The following CHLSN variants were observed in gnomAD, a reference collection of about 807,000 sequenced individuals.
CHLSN encodes the protein protein cholesin.
chr7:1,136,863 T>C, the CHLSN span, among the ~76,000 whole-genome samples: 1 of 151,954 alleles, frequency 6.6e-6, no homozygotes, highest in Non-Finnish European at 1.5e-5. Context: ...GGTCCATCCA[T>C]AAATCCTCTC....
the CHLSN span, chr7:1,009,937 C>A: frequency 1.4e-5 from 21 of 1,532,722 alleles, no homozygotes; most frequent in Non-Finnish European, 1.8e-5. Context: ...CCGCGTGGGG[C>A]AGGGCCGCTC....
chr7:1,092,490 G>C, the CHLSN span: 2 of 1,607,484 alleles, frequency 1.2e-6, no homozygotes, highest in Non-Finnish European at 8.5e-7. Flanking sequence ...GGCCCCGGCG[G>C]CAGAAGGCGC....
the CHLSN span, among the ~76,000 whole-genome samples, chr7:1,100,496 C>T: frequency 6.6e-6 from 1 of 152,222 alleles, no homozygotes; most frequent in Non-Finnish European, 1.5e-5. Flanking sequence ...TCTGTCTGAG[C>T]CTGGGGAGGA....
chr7:1,092,155 A>G, the CHLSN span: 2 of 1,613,506 alleles, frequency 1.2e-6, no homozygotes, highest in Non-Finnish European at 1.7e-6. Context: ...CAACATGTAC[A>G]GCAGCGTCTT....
At chr7:1,093,668 C>G in the CHLSN span, 2 of 470,692 alleles carry the variant, frequency 4.2e-6, no homozygotes, top group South Asian at 1.5e-5. Flanking sequence ...TACTCCAGCA[C>G]CTGTGGCTGA....
chr7:1,012,876 C>T, the CHLSN span, among the ~76,000 whole-genome samples: 2 of 152,216 alleles, frequency 1.3e-5, no homozygotes, highest in East Asian at 1.9e-4. Flanking sequence ...CCTATGCTCG[C>T]GCTCACTGTC....
At chr7:986,563 C>CT in the CHLSN span, 1 of 1,583,188 alleles carries the variant, frequency 6.3e-7, no homozygotes, top group Non-Finnish European at 8.6e-7. Flanking sequence ...CGATCACCGC[C>CT]TGCCCAGCGT....
At chr7:1,108,873 G>A in the CHLSN span, among the ~76,000 whole-genome samples, 6 of 151,636 alleles carry the variant, frequency 4.0e-5, no homozygotes, top group East Asian at 1.9e-4. Flanking sequence ...TAGAAAATTC[G>A]GCTGTGATAT....
chr7:981,489 G>A, the CHLSN span, among the ~76,000 whole-genome samples: 1 of 151,900 alleles, frequency 6.6e-6, no homozygotes, highest in Non-Finnish European at 1.5e-5. Context: ...GAGGCGGGCG[G>A]ATCATGATGA....
chr7:1,021,464 T>G, the CHLSN span: 2 of 985,486 alleles, frequency 2.0e-6, no homozygotes, highest in South Asian at 9.4e-5. Flanking sequence ...TGATCGGCAG[T>G]GGTGGCCACC....
chr7:1,022,921 T>C, the CHLSN span: 2 of 441,332 alleles, frequency 4.5e-6, no homozygotes, highest in Non-Finnish European at 9.3e-6. Flanking sequence ...AGCTGGCCAC[T>C]CCATGGTCCC....
chr7:1,013,944 A>G, the CHLSN span, among the ~76,000 whole-genome samples: 1 of 152,258 alleles, frequency 6.6e-6, no homozygotes, highest in Non-Finnish European at 1.5e-5. Flanking sequence ...TTCAATGTGC[A>G]TGAAAAGCTT....
the CHLSN span, chr7:997,675 G>C: frequency 2.9e-5 from 46 of 1,607,268 alleles, no homozygotes; most frequent in African/African-American, 4.4e-4. Context: ...CTCCCCGGCA[G>C]GGGGGGATCA....
the CHLSN span, among the ~76,000 whole-genome samples, chr7:1,136,094 A>G: frequency 1.8e-5 from 2 of 110,716 alleles, no homozygotes; most frequent in African/African-American, 7.7e-5. Flanking sequence ...ATTTATATAA[A>G]TGTGTATATA....
At chr7:1,102,981 G>A in the CHLSN span, among the ~76,000 whole-genome samples, 1 of 152,212 alleles carries the variant, frequency 6.6e-6, no homozygotes, top group Non-Finnish European at 1.5e-5. Context: ...CGGGAAGAGA[G>A]AGACACTCTG....
chr7:998,858 C>T, the CHLSN span, among the ~76,000 whole-genome samples: 2 of 152,194 alleles, frequency 1.3e-5, no homozygotes, highest in African/African-American at 4.8e-5. Context: ...GAAATGGACT[C>T]TTAGGCTTTC....
At chr7:1,065,809 A>C in the CHLSN span, among the ~76,000 whole-genome samples, 4 of 152,232 alleles carry the variant, frequency 2.6e-5, no homozygotes, top group African/African-American at 9.6e-5. Flanking sequence ...TGGGAAAGGG[A>C]CAGGGCTCTC....
chr7:981,629 G>A, the CHLSN span, among the ~76,000 whole-genome samples: 5 of 151,930 alleles, frequency 3.3e-5, no homozygotes, highest in Admixed American at 2.0e-4. Context: ...CAGGAGAATC[G>A]CTCCAACCCG....
the CHLSN span, among the ~76,000 whole-genome samples, chr7:978,452 G>A: frequency 3.3e-5 from 5 of 152,280 alleles, no homozygotes; most frequent in East Asian, 3.9e-4. Context: ...CTGGGAGGTC[G>A]AGGCTGCAGT....
Sources: gnomAD v4.1 joint callset for allele counts (sites outside exome capture counted in the v4.1 genomes callset) on GRCh38, gnomAD v4.1.1 for gene constraint, MANE v1.5 for transcripts, NCBI Gene and HGNC (gene_info 2026-07-23, HGNC 2026-07-21) for gene names.